The following LSM14A variants were observed in gnomAD, a reference collection of about 807,000 sequenced individuals.
The protein encoded by LSM14A is protein LSM14 homolog A.
A neutral mutation model predicts 52.4 loss-of-function variants in LSM14A; 14 were observed. That is an observed-to-expected ratio of 0.27 (90% CI 0.18 to 0.42). The LOEUF is 0.42. Ranked by LOEUF, LSM14A falls within the 10% of genes least tolerant of loss-of-function variation. LSM14A has a pLI of 1.00. For synonymous variants in LSM14A, 185 were observed against 200.3 expected, an observed-to-expected ratio of 0.92 and a Z score of 0.64; for missense variants, 417 against 581.8, an observed-to-expected ratio of 0.72 and a Z score of 2.91.
Position 34,219,463 on chromosome 19 carries a change from G to T in LSM14A, c.854G>T (p.Arg285Leu). The T allele has an allele frequency of 6.2e-7, 1 of 1,614,002 alleles. No homozygotes were observed. Among genetic ancestry groups the T allele is most frequent in the Non-Finnish European group, 8.5e-7 (1 of 1,179,982 alleles). ...HRGGRGRFGI[R>L]RDGPMKFEKD... is the part of the protein sequence containing the mutation. ...GGTGGCAGGGGAAGATTTGGTATTC[G>T]GCGAGATGGGCCAATGAAATTTGAG... Residue 285 changes from arginine to leucine, a missense_variant, in exon 7 of 10, where the codon CGG becomes CTG. Arg to Leu is a moderately radical substitution (Grantham distance 102, BLOSUM62 -2). Around this residue, in one of 2 missense-constraint regions of LSM14A, gnomAD observed 357 missense variants for 457.0 expected, o/e 0.78. Coordinates refer to ENST00000544216, the MANE Select transcript of LSM14A (RefSeq NM_015578.4).
chr19:34,175,721 T>G (rs1338059325), intron 1 of LSM14A, among the ~76,000 whole-genome samples: 2 of 152,246 alleles, frequency 1.3e-5, no homozygotes, highest in Admixed American at 6.5e-5. Context: ...AGGAGTTCAA[T>G]CTTAAAATTT....
At chr19:34,192,244 C>CTCA (rs74177117) in intron 1 of LSM14A, among the ~76,000 whole-genome samples, 20,362 of 150,158 alleles carry the variant, frequency 0.14, 1,686 homozygotes, top group Middle Eastern at 0.25. Flanking sequence ...TCCTGGAAGT[C>CTCA]TCATAAGTAC....
At chr19:34,217,255 CAAAAA>C (rs55881439) in intron 6 of LSM14A, among the ~76,000 whole-genome samples, 26 of 110,254 alleles carry the variant, frequency 2.4e-4, no homozygotes, top group African/African-American at 8.7e-4. Context: ...GAGAGTCTGT[CAAAAA>C]AAAAAAAAAA....
At chr19:34,187,011 G>A (rs931237967) in intron 1 of LSM14A, among the ~76,000 whole-genome samples, 2 of 151,754 alleles carry the variant, frequency 1.3e-5, no homozygotes, top group African/African-American at 4.8e-5. Context: ...AGTCCAAGGC[G>A]GGCAGATCAT....
chr19:34,211,104 A>G lies in LSM14A; in HGVS notation c.538+2053A>G, dbSNP rs1442347789. ...GATCGCCTGAGGTCAGGGGTTCGAG[A>G]CCAGCCTGGCCAACCAACATGGTGA... On this transcript the variant is annotated intron_variant, in intron 4 of 9. Transcript: ENST00000544216. Among the ~76,000 whole-genome samples the G allele has an allele frequency of 4.6e-5, 7 of 151,778 alleles. No individual in the cohort carries two copies. The East Asian group carries it at 1.4e-3, about 30-fold the overall frequency.
At chr19:34,192,518 T>C (rs1174513486) in intron 1 of LSM14A, among the ~76,000 whole-genome samples, 1 of 149,506 alleles carries the variant, frequency 6.7e-6, no homozygotes, top group Non-Finnish European at 1.5e-5. Context: ...TTAGTAGAGA[T>C]GGGGTTTCAC....
At chr19:34,195,457 CA>C (rs1330650098) in intron 2 of LSM14A, 1 of 152,250 alleles carries the variant, frequency 6.6e-6, no homozygotes, top group Non-Finnish European at 1.5e-5. Flanking sequence ...GGATTACAGG[CA>C]TGAGCCACTG....
At chr19:34,192,559 AC>A (rs1239070241) in intron 1 of LSM14A, among the ~76,000 whole-genome samples, 4 of 133,286 alleles carry the variant, frequency 3.0e-5, no homozygotes, top group African/African-American at 1.1e-4. Context: ...CAAACTCCTG[AC>A]CTCAAGTGAT....
intron 6 of LSM14A, among the ~76,000 whole-genome samples, chr19:34,216,717 C>G (rs915091567): frequency 2.0e-5 from 3 of 152,098 alleles, no homozygotes; most frequent in Admixed American, 6.5e-5. Flanking sequence ...CTCAGCCTCC[C>G]GAAGTATTGG....
intron 2 of LSM14A, among the ~76,000 whole-genome samples, chr19:34,196,142 A>G (rs1238331193): frequency 6.6e-6 from 1 of 152,176 alleles, no homozygotes. Context: ...AATGTTCCTC[A>G]GCTTAATGTA....
intron 1 of LSM14A, among the ~76,000 whole-genome samples, chr19:34,190,250 A>G (rs2070263078): frequency 1.3e-5 from 2 of 152,150 alleles, no homozygotes; most frequent in Admixed American, 6.5e-5. Flanking sequence ...TACTACAAGA[A>G]TTCTATTGCA....
intron 6 of LSM14A, among the ~76,000 whole-genome samples, chr19:34,217,255 C>CAA (rs55881439): frequency 1.8e-5 from 2 of 110,252 alleles, no homozygotes; most frequent in Non-Finnish European, 1.8e-5. Flanking sequence ...GAGAGTCTGT[C>CAA]AAAAAAAAAA....
At chr19:34,193,924 A>G (rs914351190) in intron 1 of LSM14A, among the ~76,000 whole-genome samples, 1 of 152,228 alleles carries the variant, frequency 6.6e-6, no homozygotes, top group African/African-American at 2.4e-5. Context: ...TCATCCCAGC[A>G]CATTGAGAGG....
At position 34,212,354 on chromosome 19, in the gene LSM14A, A is replaced by G. The variant is rs116116569; in HGVS notation, c.539-2770A>G. Among the ~76,000 whole-genome samples, 534 of 152,314 alleles carry G rather than the reference A, an allele frequency of 3.5e-3. 1 individual carries two copies. The highest frequency in any genetic ancestry group is 0.012 in the African/African-American group (513 of 41,570). On this transcript the variant is annotated intron_variant, in intron 4 of 9. Transcript: ENST00000544216. ...GAATTTAGTAGATGATAAAGGTATTATTTTAAATTAGTGGAGAGAAGGCTG... is the reference window on the plus strand; with the variant it reads ...GAATTTAGTAGATGATAAAGGTATTGTTTTAAATTAGTGGAGAGAAGGCTG...
intron 1 of LSM14A, among the ~76,000 whole-genome samples, chr19:34,180,823 C>T (rs1012183104): frequency 4.6e-5 from 7 of 152,184 alleles, no homozygotes; most frequent in Admixed American, 4.6e-4. Context: ...ACCAGCCTCA[C>T]TCTAAATTTA....
In LSM14A at chr19:34,219,539, T is replaced by G; in HGVS notation, c.930T>G (p.Ile310Met). 6.2e-7 allele frequency: 1 copy of G among 1,611,450 alleles called. No homozygotes were observed. The highest frequency in any genetic ancestry group is 8.5e-7 in the Non-Finnish European group (1 of 1,179,050). The change falls in exon 7 of 10, where the codon ATT becomes ATG. Residue 310 changes from isoleucine (I) to methionine (M), a missense_variant. Ile to Met is a conservative substitution (Grantham distance 10). This residue lies in a region of LSM14A where 357 missense variants were observed against 457.0 expected (regional missense o/e 0.78). Coordinates refer to ENST00000544216, the MANE Select transcript of LSM14A (RefSeq NM_015578.4). ...ATGCACAATTCAACAAGGAAGAGATTGACAGAGAGTTTCATAATAAACTTA... is the reference window on the plus strand; with the variant it reads ...ATGCACAATTCAACAAGGAAGAGATGGACAGAGAGTTTCATAATAAACTTA... ...SANAQFNKEE[I>M]DREFHNKLKL...
At position 34,172,771 on chromosome 19, in the gene LSM14A, G is replaced by A. The variant is rs747883567; in HGVS notation, c.121+8G>A. On this transcript the variant is annotated splice_region_variant and intron_variant, in intron 1 of 9. Coordinates refer to ENST00000544216, the MANE Select transcript of LSM14A (RefSeq NM_015578.4). ...CCGTAGCCCTTGCCAAAGGTACGCGGGACCGGGCCTCAGGGTGGGGGCCGA... is the reference window on the plus strand; with the variant it reads ...CCGTAGCCCTTGCCAAAGGTACGCGAGACCGGGCCTCAGGGTGGGGGCCGA... The A allele has an allele frequency of 4.2e-5, 65 of 1,566,184 alleles. No individual in the cohort carries two copies. Among genetic ancestry groups the A allele is most frequent in the Admixed American group, 7.5e-5 (4 of 53,548 alleles).
intron 2 of LSM14A, among the ~76,000 whole-genome samples, chr19:34,196,175 G>A (rs967942881): frequency 2.0e-5 from 3 of 152,094 alleles, no homozygotes; most frequent in African/African-American, 7.2e-5. Flanking sequence ...AATGTAAATG[G>A]TTTTATGTGG....
chr19:34,192,319 G>GTTGT (rs60512063), intron 1 of LSM14A, among the ~76,000 whole-genome samples: 6 of 53,416 alleles, frequency 1.1e-4, no homozygotes, highest in African/African-American at 4.9e-4. Flanking sequence ...TCTTTTTGTT[G>GTTGT]TTTTTTTTTT....
Sources: allele counts gnomAD v4.1 joint callset (sites outside exome capture counted in the v4.1 genomes callset), GRCh38; gene constraint gnomAD v4.1.1; regional missense constraint gnomAD v4.1.1; transcripts MANE v1.5; gene names NCBI Gene and HGNC (gene_info 2026-07-23, HGNC 2026-07-21).